The following EML2 variants were observed in gnomAD, a reference collection of about 807,000 sequenced individuals.
EML2 encodes the protein EMAP like 2.
EML2 carries 59 observed loss-of-function variants against 84.7 expected under a neutral mutation model. The ratio of observed to expected loss-of-function variants is 0.70; its 90% CI spans 0.56 to 0.86. EML2 has a LOEUF of 0.86. EML2 is among the 40% of genes least tolerant of loss of function. The probability of loss-of-function intolerance (pLI) is 0.00; values close to 1 mark genes in which losing one functional copy is unlikely to be tolerated. For missense variants in EML2, 818 were observed against 855.6 expected (o/e 0.96, Z 0.55); for synonymous variants, 352 against 348.9 (o/e 1.01, Z -0.10).
At chr19:45,631,580 A>G (rs1014559611) in intron 6 of EML2, among the ~76,000 whole-genome samples, 5 of 151,262 alleles carry the variant, frequency 3.3e-5, no homozygotes, top group Non-Finnish European at 5.9e-5. Flanking sequence ...TAATTTTTGT[A>G]TATTTTTAGT....
intron 3 of EML2, among the ~76,000 whole-genome samples, chr19:45,635,840 C>T (rs1973666900): frequency 1.3e-5 from 2 of 152,166 alleles, no homozygotes; most frequent in African/African-American, 2.4e-5. Context: ...GATCTGCCCA[C>T]CTCGGCCTCC....
chr19:45,627,996 C>T (rs972912596), intron 7 of EML2, among the ~76,000 whole-genome samples: 12 of 151,596 alleles, frequency 7.9e-5, no homozygotes, highest in Admixed American at 5.3e-4. Context: ...ACCCGGGAGG[C>T]GGAGGTTGCA....
chr19:45,637,620 C>T (rs973475425), intron 3 of EML2, among the ~76,000 whole-genome samples: 3 of 149,394 alleles, frequency 2.0e-5, no homozygotes, highest in Middle Eastern at 3.5e-3. Flanking sequence ...CTGGGAACCA[C>T]AGGAGCATGC....
chr19:45,642,553 C>A, upstream of EML2: 1 of 1,382,734 alleles, frequency 7.2e-7, no homozygotes, highest in Non-Finnish European at 9.3e-7. Flanking sequence ...CCAACCCATC[C>A]GCACACTCCT....
intron 7 of EML2, among the ~76,000 whole-genome samples, chr19:45,627,085 G>A (rs1258404286): frequency 4.0e-5 from 6 of 149,268 alleles, no homozygotes; most frequent in East Asian, 2.0e-4. Flanking sequence ...TCAGCCTCCC[G>A]AATAGCTGGT....
chr19:45,642,372 C>G (rs553571446), upstream of EML2: 10 of 1,526,150 alleles, frequency 6.6e-6, no homozygotes, highest in Non-Finnish European at 7.0e-6. Flanking sequence ...GGGGGAGTGC[C>G]GGCTGCAGGG....
At position 45,615,899 on chromosome 19, in the gene EML2, A is replaced by C; in HGVS notation, c.1510-10T>G. The C allele has an allele frequency of 6.2e-7, 1 of 1,609,766 alleles. No homozygotes were observed. Among genetic ancestry groups the C allele is most frequent in the Non-Finnish European group, 8.5e-7 (1 of 1,176,542 alleles). On this transcript the variant is annotated splice_polypyrimidine_tract_variant and intron_variant, in intron 15 of 18. Transcript: ENST00000245925. ...TAAAACTGGAATGGCCCTGCGGGGG[A>C]GGGAAGGGATGGTGTTAGAGCTGCA...
upstream of EML2, among the ~76,000 whole-genome samples, chr19:45,639,592 C>T (rs1292972227): frequency 6.6e-6 from 1 of 152,164 alleles, no homozygotes; most frequent in Non-Finnish European, 1.5e-5. Flanking sequence ...AGAACATGGA[C>T]TCGGGAGCGC....
chr19:45,629,823 C>T, intron 7 of EML2, 128 bp downstream of exon 7: 1 of 729,016 alleles, frequency 1.4e-6, no homozygotes, highest in Non-Finnish European at 2.4e-6. Context: ...TTGCTCAAGT[C>T]ACACAGCCAG....
upstream of EML2, chr19:45,642,042 C>CT (rs1974567934): frequency 1.4e-6 from 2 of 1,442,808 alleles, no homozygotes; most frequent in Non-Finnish European, 1.8e-6. Context: ...AGCTGACACA[C>CT]TGGAGGGATG....
At chr19:45,643,901 G>A (rs1974828302), upstream of EML2, among the ~76,000 whole-genome samples, 2 of 152,230 alleles carry the variant, frequency 1.3e-5, no homozygotes, top group South Asian at 2.1e-4. Flanking sequence ...GTAACAGGGG[G>A]AAACCTCTAG....
At chr19:45,610,701 G>T (rs554350862) in intron 18 of EML2, among the ~76,000 whole-genome samples, 1 of 151,782 alleles carries the variant, frequency 6.6e-6, no homozygotes, top group Admixed American at 6.6e-5. Context: ...TTAGCCGGGC[G>T]TGGTGGCACA....
intron 8 of EML2, among the ~76,000 whole-genome samples, chr19:45,626,077 A>G (rs1270876267): frequency 2.7e-5 from 4 of 148,482 alleles, no homozygotes; most frequent in South Asian, 2.1e-4. Flanking sequence ...AGGTCTCTCC[A>G]TGTTTCCCAG....
chr19:45,645,393 C>A, upstream of EML2: 1 of 1,498,058 alleles, frequency 6.7e-7, no homozygotes, highest in Non-Finnish European at 8.8e-7. Context: ...GCCCGGTCCC[C>A]CCAACCAGGC....
chr19:45,642,594 T>A, upstream of EML2: 4 of 1,239,274 alleles, frequency 3.2e-6, no homozygotes, highest in Non-Finnish European at 1.0e-6. Flanking sequence ...CGTGTGACCT[T>A]GGGGAAGTCC....
chr19:45,644,798 C>T, upstream of EML2: 1 of 456,420 alleles, frequency 2.2e-6, no homozygotes, highest in Non-Finnish European at 4.4e-6. Context: ...GGGCCAGGGC[C>T]AGAGGATTTG....
Position 45,621,563 on chromosome 19 carries a change from C to G in EML2, c.916G>C (p.Gly306Arg). 1 of 1,612,774 alleles carries G rather than the reference C, an allele frequency of 6.2e-7. No homozygotes were observed. Among genetic ancestry groups the G allele is most frequent in the South Asian group, 1.1e-5 (1 of 91,076 alleles). ...GVFGLCALRDGTLVSGGGRDR... is the reference protein window; with the variant it reads ...GVFGLCALRDRTLVSGGGRDR... Reference sequence around the variant, plus strand: ...CGGCCCCCTCCAGACACCAGCGTCCCGTCCCGCAGGGCGCAGAGCCCAAAC... The same window carrying G: ...CGGCCCCCTCCAGACACCAGCGTCCGGTCCCGCAGGGCGCAGAGCCCAAAC... The change falls in exon 10 of 19, where the codon GGG becomes CGG. Residue 306 changes from glycine (G) to arginine (R), a missense_variant. Physicochemically the swap from Gly to Arg is moderately radical, Grantham distance 125. Coordinates refer to ENST00000245925, the MANE Select transcript of EML2 (RefSeq NM_012155.4).
At chr19:45,624,100 A>G (rs1325189171) in intron 9 of EML2, among the ~76,000 whole-genome samples, 4 of 152,232 alleles carry the variant, frequency 2.6e-5, no homozygotes, top group Non-Finnish European at 4.4e-5. Flanking sequence ...TTCTTGGAAC[A>G]ATCTGTTCTT....
upstream of EML2, chr19:45,642,427 G>A (rs1974628832): frequency 4.1e-6 from 6 of 1,473,380 alleles, no homozygotes; most frequent in Non-Finnish European, 5.4e-6. Context: ...CCGCCTTCCT[G>A]GGTCTAAGCG....
Sources: allele counts gnomAD v4.1 joint callset (sites outside exome capture counted in the v4.1 genomes callset), GRCh38; gene constraint gnomAD v4.1.1; transcripts MANE v1.5; gene names NCBI Gene and HGNC (gene_info 2026-07-23, HGNC 2026-07-21).